SHISA6: variants seen among roughly 807,000 people sequenced by gnomAD.
SHISA6 encodes the protein shisa family member 6.
A neutral mutation model predicts 47.9 loss-of-function variants in SHISA6; 22 were observed. The observed-to-expected ratio is 0.46, with a 90% CI of 0.33 to 0.66. The LOEUF (loss-of-function observed/expected upper bound fraction) is 0.66, where lower values mean the gene tolerates loss of function less well. Ranked by LOEUF, SHISA6 falls within the 30% of genes least tolerant of loss-of-function variation. SHISA6 has a pLI of 0.02. For missense variants in SHISA6, 680 were observed against 764.6 expected (o/e 0.89, Z 1.30); for synonymous variants, 388 against 337.8 (o/e 1.15, Z -1.63).
In SHISA6 at chr17:11,481,356, G is replaced by GTATATA. The variant is rs1417264013; in HGVS notation, c.896-70539_896-70538insATATAT. Among the ~76,000 whole-genome samples, 887 of 120,972 alleles carry GTATATA rather than the reference G, an allele frequency of 7.3e-3. 12 individuals are homozygous for GTATATA. Among genetic ancestry groups the GTATATA allele is most frequent in the African/African-American group, 0.024 (773 of 32,226 alleles). The allele number at this position is 120,972 out of a possible 152,430, so 79.4% of individuals were successfully genotyped here. ...TATATATGTGTGTGTGTGTGTGTGT[G>GTATATA]TGTGTGTGTGTATATATATATATAT... On this transcript the variant is annotated intron_variant, in intron 3 of 5. Coordinates refer to ENST00000441885, the MANE Select transcript of SHISA6 (RefSeq NM_207386.4).
chr17:11,495,509 T>C (rs2071400627), intron 3 of SHISA6, among the ~76,000 whole-genome samples: 1 of 152,162 alleles, frequency 6.6e-6, no homozygotes, highest in Non-Finnish European at 1.5e-5. Context: ...TGAGCACACA[T>C]GTGCTCCTTC....
intron 3 of SHISA6, among the ~76,000 whole-genome samples, chr17:11,549,475 T>C (rs1781309421): frequency 6.6e-6 from 1 of 152,242 alleles, no homozygotes; most frequent in Non-Finnish European, 1.5e-5. Flanking sequence ...AAGTTCTACA[T>C]AGTGTCTGGC....
chr17:11,387,371 C>T (rs1283935474), intron 3 of SHISA6, among the ~76,000 whole-genome samples: 2 of 152,084 alleles, frequency 1.3e-5, no homozygotes, highest in East Asian at 3.9e-4. Flanking sequence ...AGTGACCATC[C>T]TGAGGCCAAT....
At chr17:11,252,498 G>A (rs1365403301) in intron 1 of SHISA6, among the ~76,000 whole-genome samples, 1 of 152,136 alleles carries the variant, frequency 6.6e-6, no homozygotes. Context: ...GCGGAGGGAG[G>A]GGGTGGCTGT....
intron 3 of SHISA6, among the ~76,000 whole-genome samples, chr17:11,430,080 A>C (rs1439875100): frequency 6.6e-6 from 1 of 152,206 alleles, no homozygotes; most frequent in Non-Finnish European, 1.5e-5. Flanking sequence ...AGATGAGGAA[A>C]CTGAGGATCA....
chr17:11,304,241 C>T (rs1050462896), intron 2 of SHISA6, among the ~76,000 whole-genome samples: 2 of 152,148 alleles, frequency 1.3e-5, no homozygotes, highest in Non-Finnish European at 2.9e-5. Flanking sequence ...TGGAGTTGGA[C>T]GAAGGCACTG....
chr17:11,339,173 A>AG (rs1911433261), intron 2 of SHISA6, among the ~76,000 whole-genome samples: 1 of 151,978 alleles, frequency 6.6e-6, no homozygotes, highest in Non-Finnish European at 1.5e-5. Context: ...ATTAAAAAAA[A>AG]AAAAAAAGAA....
chr17:11,543,703 A>G (rs1209492828), intron 3 of SHISA6, among the ~76,000 whole-genome samples: 1 of 152,134 alleles, frequency 6.6e-6, no homozygotes, highest in Non-Finnish European at 1.5e-5. Context: ...ACTCAATTTC[A>G]AGAAATATCA....
intron 3 of SHISA6, among the ~76,000 whole-genome samples, chr17:11,443,849 CA>C (rs1376881351): frequency 6.6e-6 from 1 of 152,078 alleles, no homozygotes; most frequent in East Asian, 1.9e-4. Context: ...TAAATATCTG[CA>C]GAATAAATAC....
intron 3 of SHISA6, among the ~76,000 whole-genome samples, chr17:11,446,233 G>T (rs943535587): frequency 3.3e-5 from 5 of 152,200 alleles, no homozygotes; most frequent in African/African-American, 1.2e-4. Flanking sequence ...GAAGAGCGTA[G>T]GTCAAAGCAG....
chr17:11,490,668 G>A (rs1009552387), intron 3 of SHISA6, among the ~76,000 whole-genome samples: 18 of 152,220 alleles, frequency 1.2e-4, no homozygotes, highest in Non-Finnish European at 5.9e-5. Flanking sequence ...AGGAAGGGCA[G>A]GCTGGCTCCC....
intron 2 of SHISA6, among the ~76,000 whole-genome samples, chr17:11,301,308 C>A (rs1448970543): frequency 6.6e-6 from 1 of 152,176 alleles, no homozygotes; most frequent in Non-Finnish European, 1.5e-5. Flanking sequence ...ATTACACATT[C>A]TCCAGGCATC....
chr17:11,308,278 G>A (rs1238204479), intron 2 of SHISA6, among the ~76,000 whole-genome samples: 1 of 152,192 alleles, frequency 6.6e-6, no homozygotes, highest in Non-Finnish European at 1.5e-5. Flanking sequence ...ATGCCAGGGT[G>A]GAGAAGGCAC....
chr17:11,464,615 A>G (rs1915766027), intron 3 of SHISA6, among the ~76,000 whole-genome samples: 1 of 152,198 alleles, frequency 6.6e-6, no homozygotes, highest in South Asian at 2.1e-4. Flanking sequence ...GGAAGACCCT[A>G]TCATGTTCTC....
At chr17:11,519,803 T>A (rs548084543) in intron 3 of SHISA6, among the ~76,000 whole-genome samples, 2 of 152,274 alleles carry the variant, frequency 1.3e-5, no homozygotes, top group African/African-American at 4.8e-5. Flanking sequence ...TTGACACACA[T>A]GTATGCAAAT....
chr17:11,394,032 C>T (rs1313699720), intron 3 of SHISA6, among the ~76,000 whole-genome samples: 1 of 152,154 alleles, frequency 6.6e-6, no homozygotes, highest in Admixed American at 6.5e-5. Context: ...ATAATATTTT[C>T]TTTATCATAC....
At chr17:11,392,733 C>A (rs1038442321) in intron 3 of SHISA6, among the ~76,000 whole-genome samples, 2 of 152,218 alleles carry the variant, frequency 1.3e-5, no homozygotes, top group African/African-American at 4.8e-5. Context: ...ATGAGCTATG[C>A]CCAGATTGGG....
At chr17:11,328,005 A>G (rs930956369) in intron 2 of SHISA6, among the ~76,000 whole-genome samples, 1 of 152,072 alleles carries the variant, frequency 6.6e-6, no homozygotes, top group African/African-American at 2.4e-5. Flanking sequence ...AAATGTATAT[A>G]TTTTTAATAA....
chr17:11,557,773 GTAT>G lies in SHISA6; in HGVS notation c.1128_1130del (p.Tyr377del). On this transcript the variant is annotated inframe_deletion, in exon 6 of 6. Coordinates refer to ENST00000441885, the MANE Select transcript of SHISA6 (RefSeq NM_207386.4). ...CTGCAGCCGACAAGGAGGCTGACGA[GTAT>G]TACATGAGACGGCGGCACCTGCCCG... The G allele has an allele frequency of 6.5e-7, 1 of 1,549,048 alleles. No individual in the cohort carries two copies. The highest frequency in any genetic ancestry group is 8.7e-7 in the Non-Finnish European group (1 of 1,145,622).
Sources: allele counts gnomAD v4.1 joint callset (sites outside exome capture counted in the v4.1 genomes callset), GRCh38; gene constraint gnomAD v4.1.1; transcripts MANE v1.5; gene names NCBI Gene and HGNC (gene_info 2026-07-23, HGNC 2026-07-21).